JAKMIP2: variants seen among roughly 807,000 people sequenced by gnomAD.
JAKMIP2 encodes janus kinase and microtubule-interacting protein 2.
JAKMIP2 carries 25 observed loss-of-function variants against 115.0 expected under a neutral mutation model. The observed-to-expected ratio is 0.22, with a 90% CI of 0.16 to 0.30. The LOEUF is 0.30. Among genes scored for constraint, JAKMIP2 ranks in the 10% least tolerant of loss-of-function variants. The pLI is 1.00. For missense variants in JAKMIP2, 642 were observed against 957.6 expected (o/e 0.67, Z 4.35); for synonymous variants, 334 against 343.6 (o/e 0.97, Z 0.31).
intron 21 of JAKMIP2, among the ~76,000 whole-genome samples, chr5:147,599,954 C>A (rs1460853589): frequency 1.3e-5 from 2 of 152,166 alleles, no homozygotes; most frequent in African/African-American, 4.8e-5. Flanking sequence ...CTTTGGCCAG[C>A]ATTGATGTTA....
intron 3 of JAKMIP2, among the ~76,000 whole-genome samples, chr5:147,656,373 T>C (rs192141559): frequency 3.9e-5 from 6 of 152,338 alleles, no homozygotes; most frequent in Non-Finnish European, 2.9e-5. Flanking sequence ...GGTGCTCCTA[T>C]ATTGGGTGCA....
chr5:147,598,665 C>A (rs962301210), intron 21 of JAKMIP2, among the ~76,000 whole-genome samples: 1 of 152,084 alleles, frequency 6.6e-6, no homozygotes. Flanking sequence ...AGCACTGAGT[C>A]CAGTAAGGGT....
chr5:147,623,033 G>T (rs1006272441), intron 17 of JAKMIP2, among the ~76,000 whole-genome samples: 6 of 151,992 alleles, frequency 3.9e-5, no homozygotes, highest in East Asian at 1.9e-4. Flanking sequence ...TGATCCTCTT[G>T]CCTCAGCCCC....
chr5:147,667,092 C>T (rs1005816701), intron 2 of JAKMIP2, among the ~76,000 whole-genome samples: 7 of 151,952 alleles, frequency 4.6e-5, no homozygotes, highest in Non-Finnish European at 7.4e-5. Flanking sequence ...TTCTTCAGTA[C>T]GTATTGTGTT....
chr5:147,702,648 G>GA (rs879305917), intron 1 of JAKMIP2, among the ~76,000 whole-genome samples: 1 of 108,004 alleles, frequency 9.3e-6, no homozygotes, highest in Non-Finnish European at 1.8e-5. Flanking sequence ...AAGAAAGAAA[G>GA]AAAGAAAGAA....
chr5:147,615,080 C>G (rs1756504069), intron 19 of JAKMIP2, among the ~76,000 whole-genome samples: 1 of 152,182 alleles, frequency 6.6e-6, no homozygotes, highest in African/African-American at 2.4e-5. Flanking sequence ...TTCATTTGTT[C>G]TGTGGCTCTG....
Position 147,588,358 on chromosome 5 carries a change from G to T in JAKMIP2, c.*3349C>A, listed in dbSNP as rs1022111279. On this transcript the variant is annotated 3_prime_UTR_variant, in exon 22 of 22. Coordinates refer to ENST00000616793, the MANE Select transcript of JAKMIP2 (RefSeq NM_001270941.2). ...CAAACTCAGTAGCCAAATGCATCTC[G>T]GTAGTACAGATGCAGAAGTGGGGCC... 6.6e-6 allele frequency: 1 copy of T among 151,540 alleles called. No individual in the cohort carries two copies. Among genetic ancestry groups the T allele is most frequent in the African/African-American group, 2.4e-5 (1 of 41,214 alleles). The allele number at this position is 151,540 out of a possible 1,614,324, so 9.4% of individuals were successfully genotyped here.
At position 147,660,686 on chromosome 5, in the gene JAKMIP2, T is replaced by C. The variant is rs532136781; in HGVS notation, c.627+262A>G. On this transcript the variant is annotated intron_variant, in intron 3 of 21. Coordinates refer to ENST00000616793, the MANE Select transcript of JAKMIP2 (RefSeq NM_001270941.2). ...TCCTTGGAGATACTTTCCATATATA[T>C]GGTCCTTGGAGAATCCAGTTTTTAT... 2.4e-5 allele frequency: 11 copies of C among 463,482 alleles called. No homozygotes were observed. In the Admixed American group the frequency reaches 3.7e-4, roughly 16 times the overall value. The allele number at this position is 463,482 out of a possible 1,614,324, so 28.7% of individuals were successfully genotyped here.
At chr5:147,628,170 T>C (rs147986878) in intron 16 of JAKMIP2, among the ~76,000 whole-genome samples, 1 of 152,314 alleles carries the variant, frequency 6.6e-6, no homozygotes, top group East Asian at 1.9e-4. Flanking sequence ...TATAGGTACA[T>C]ACCATCCAGC....
intron 1 of JAKMIP2, among the ~76,000 whole-genome samples, chr5:147,700,699 C>T (rs562173896): frequency 1.3e-5 from 2 of 152,294 alleles, no homozygotes; most frequent in South Asian, 2.1e-4. Flanking sequence ...CTAGCCATAG[C>T]CAGGAATTAG....
At chr5:147,728,856 T>G (rs1168277285) in intron 1 of JAKMIP2, among the ~76,000 whole-genome samples, 1 of 152,174 alleles carries the variant, frequency 6.6e-6, no homozygotes, top group Non-Finnish European at 1.5e-5. Context: ...AGCCATTAGA[T>G]CCTAGATACG....
At chr5:147,620,634 C>T (rs375916815) in intron 18 of JAKMIP2, 32 bp downstream of exon 18, 2 of 1,469,582 alleles carry the variant, frequency 1.4e-6, no homozygotes. Flanking sequence ...ACTGTAAATA[C>T]TGCGGGTGTC....
At chr5:147,662,588 C>T (rs1377668202) in intron 2 of JAKMIP2, among the ~76,000 whole-genome samples, 2 of 152,026 alleles carry the variant, frequency 1.3e-5, no homozygotes, top group Non-Finnish European at 2.9e-5. Context: ...TCCTCCTCCC[C>T]CACTTCATCT....
intron 21 of JAKMIP2, among the ~76,000 whole-genome samples, chr5:147,593,882 G>T (rs1755219714): frequency 6.6e-6 from 1 of 152,186 alleles, no homozygotes; most frequent in South Asian, 2.1e-4. Context: ...CTTCAGGGAT[G>T]TATTTTTGTT....
intron 16 of JAKMIP2, 89 bp from the exon 17 acceptor site, chr5:147,623,778 C>T: frequency 4.1e-6 from 3 of 725,362 alleles, no homozygotes; most frequent in Non-Finnish European, 7.3e-6. Flanking sequence ...CGTCTCCTCC[C>T]CTTATATCTC....
intron 20 of JAKMIP2, among the ~76,000 whole-genome samples, chr5:147,608,385 A>C (rs1038988297): frequency 1.3e-5 from 2 of 152,078 alleles, no homozygotes; most frequent in African/African-American, 2.4e-5. Context: ...CTTTGTTCTC[A>C]TTGGTTTCAA....
chr5:147,585,905 G>A lies in JAKMIP2; in HGVS notation c.*5802C>T, dbSNP rs983716306. 6.6e-6 allele frequency: 1 copy of A among 151,856 alleles called. No homozygotes were observed. The highest frequency in any genetic ancestry group is 2.4e-5 in the African/African-American group (1 of 41,358). 9.4% of individuals were successfully genotyped at this position (151,856 alleles called of 1,614,324 possible). A position where few individuals can be genotyped will look rare whatever the true frequency, so the allele number is the denominator to read the frequency against. ...TGAGATGGAATTTTTAGCTAATAAA[G>A]ATATGGGACTTTTGGCTAATTTTAA... On this transcript the variant is annotated 3_prime_UTR_variant, in exon 22 of 22. Transcript: ENST00000616793.
At chr5:147,764,366 T>C (rs1755035684) in intron 1 of JAKMIP2, among the ~76,000 whole-genome samples, 1 of 151,368 alleles carries the variant, frequency 6.6e-6, no homozygotes, top group Non-Finnish European at 1.5e-5. Context: ...ACAAGGGAGG[T>C]CTGAATGTGC....
At chr5:147,778,370 T>A (rs1476961337) in intron 1 of JAKMIP2, among the ~76,000 whole-genome samples, 1 of 152,092 alleles carries the variant, frequency 6.6e-6, no homozygotes, top group Non-Finnish European at 1.5e-5. Flanking sequence ...CAATTAAATA[T>A]GGCCAAAGAA....
Sources: gnomAD v4.1 joint callset for allele counts (sites outside exome capture counted in the v4.1 genomes callset) on GRCh38, gnomAD v4.1.1 for gene constraint, MANE v1.5 for transcripts, NCBI Gene and HGNC (gene_info 2026-07-23, HGNC 2026-07-21) for gene names.